The following AP1G1 variants were observed in gnomAD, a reference collection of about 807,000 sequenced individuals.
AP1G1 encodes adaptor related protein complex 1 subunit gamma 1, also known as AP-1 complex subunit gamma-1.
In AP1G1, 7 loss-of-function variants were observed where a neutral mutation model predicts 108.3. That is an observed-to-expected ratio of 0.06 (90% confidence interval 0.04 to 0.12). The LOEUF (loss-of-function observed/expected upper bound fraction) is 0.12. Ranked by LOEUF, AP1G1 falls within the 10% of genes least tolerant of loss-of-function variation. The pLI is 1.00. For missense variants in AP1G1, 756 were observed against 1,010.7 expected (o/e 0.75, Z 3.42); for synonymous variants, 379 against 353.5 (o/e 1.07, Z -0.81).
At chr16:71,761,618 T>C (rs1379591310) in intron 9 of AP1G1, 51 bp from the exon 10 acceptor site, 12 of 1,373,188 alleles carry the variant, frequency 8.7e-6, no homozygotes, top group Non-Finnish European at 1.2e-5. Context: ...AGTTTTATAT[T>C]GTTTCCTGAG....
chr16:71,745,442 G>A (rs779571222), intron 18 of AP1G1, 31 bp downstream of exon 18: 2 of 1,613,858 alleles, frequency 1.2e-6, no homozygotes, highest in Non-Finnish European at 1.7e-6. Context: ...ATCGTAAGAA[G>A]CCCCAGATGA....
intron 6 of AP1G1, among the ~76,000 whole-genome samples, chr16:71,767,424 A>T (rs1005852104): frequency 6.6e-6 from 1 of 152,228 alleles, no homozygotes; most frequent in Non-Finnish European, 1.5e-5. Flanking sequence ...GTAAGAGAGA[A>T]ATAAAATCTC....
chr16:71,740,117 G>A (rs985600619), intron 19 of AP1G1, among the ~76,000 whole-genome samples: 2 of 152,184 alleles, frequency 1.3e-5, no homozygotes, highest in African/African-American at 2.4e-5. Flanking sequence ...AGGTAAACTG[G>A]CACAACCAAT....
At chr16:71,784,195 T>G (rs747470730) in intron 2 of AP1G1, among the ~76,000 whole-genome samples, 19 of 152,196 alleles carry the variant, frequency 1.2e-4, no homozygotes, top group Non-Finnish European at 2.5e-4. Flanking sequence ...AAAATGTGTC[T>G]AACACTTATA....
Position 71,764,735 on chromosome 16 carries a change from C to CA in AP1G1, c.739-10dup. 1.3e-6 allele frequency: 2 copies of CA among 1,592,050 alleles called. No individual in the cohort carries two copies. Among genetic ancestry groups the CA allele is most frequent in the Non-Finnish European group, 8.6e-7 (1 of 1,167,440 alleles). On this transcript the variant is annotated splice_polypyrimidine_tract_variant and intron_variant, in intron 7 of 22. Transcript: ENST00000299980. ...AACCGCAAAATTCGTACCTAACGTG[C>CA]AAAAGATGAGAGGTGTCAACAAATT...
intron 16 of AP1G1, 115 bp downstream of exon 16, chr16:71,748,136 A>T: frequency 9.3e-7 from 1 of 1,076,360 alleles, no homozygotes; most frequent in Non-Finnish European, 1.3e-6. Context: ...TTGTGTTATT[A>T]TTCTCTCTAC....
chr16:71,733,277 A>G, intron 22 of AP1G1, 118 bp from the exon 23 acceptor site: 1 of 764,184 alleles, frequency 1.3e-6, no homozygotes, highest in Middle Eastern at 2.8e-4. Flanking sequence ...GCTGTCTGTT[A>G]AGAATGACAG....
At chr16:71,766,497 C>A (rs983481221) in intron 6 of AP1G1, 4 of 449,622 alleles carry the variant, frequency 8.9e-6, no homozygotes, top group Non-Finnish European at 1.8e-5. Flanking sequence ...ACAATAGGAA[C>A]TTTTTATGTT....
At chr16:71,788,599 T>C (rs914608021) in intron 2 of AP1G1, among the ~76,000 whole-genome samples, 3 of 152,012 alleles carry the variant, frequency 2.0e-5, no homozygotes, top group Admixed American at 2.0e-4. Context: ...AAACATATTG[T>C]GAACTTCTCC....
chr16:71,755,213 TC>T (rs2030716071), intron 12 of AP1G1, among the ~76,000 whole-genome samples: 1 of 151,554 alleles, frequency 6.6e-6, no homozygotes, highest in African/African-American at 2.4e-5. Context: ...ATCGCTTGAG[TC>T]CAGGAGTTCG....
chr16:71,737,626 G>C (rs955262585), intron 21 of AP1G1, among the ~76,000 whole-genome samples: 6 of 152,222 alleles, frequency 3.9e-5, no homozygotes, highest in African/African-American at 1.4e-4. Flanking sequence ...CTCCTACAAA[G>C]TGTAAGCAAA....
intron 1 of AP1G1, among the ~76,000 whole-genome samples, chr16:71,792,417 T>C (rs1305876838): frequency 1.3e-5 from 2 of 152,132 alleles, no homozygotes; most frequent in African/African-American, 2.4e-5. Context: ...CCTAGATATA[T>C]AAGAAAGTCT....
intron 1 of AP1G1, among the ~76,000 whole-genome samples, chr16:71,791,124 GGGA>G (rs1349580358): frequency 1.3e-5 from 2 of 151,908 alleles, no homozygotes; most frequent in Non-Finnish European, 2.9e-5. Context: ...GGGATACTGA[GGGA>G]GGAGGATTGC....
intron 9 of AP1G1, among the ~76,000 whole-genome samples, chr16:71,763,054 T>C (rs563405240): frequency 1.3e-5 from 2 of 152,226 alleles, no homozygotes; most frequent in South Asian, 2.1e-4. Context: ...TATAGGGAAA[T>C]AGCCCCAACA....
chr16:71,749,807 A>C lies in AP1G1; in HGVS notation c.1497+87T>G, dbSNP rs1466361059. ...CGCCTGGCCTAAAAAGTTTTCAAGG[A>C]ATCAACCTCAACTCCCCATTAAACA... On this transcript the variant is annotated intron_variant, in intron 15 of 22. Coordinates refer to ENST00000299980, the MANE Select transcript of AP1G1 (RefSeq NM_001128.6). The C allele has an allele frequency of 3.4e-6, 4 of 1,163,656 alleles. No homozygotes were observed. The African/African-American group carries it at 4.6e-5, about 13-fold the overall frequency. 72.1% of individuals were successfully genotyped at this position (1,163,656 alleles called of 1,614,324 possible).
intron 2 of AP1G1, among the ~76,000 whole-genome samples, chr16:71,776,458 T>C (rs746378356): frequency 6.6e-6 from 1 of 152,220 alleles, no homozygotes; most frequent in Non-Finnish European, 1.5e-5. Context: ...TTGATGAAAG[T>C]CATCTTTACA....
chr16:71,793,398 A>C (rs866770340), intron 1 of AP1G1, among the ~76,000 whole-genome samples: 4 of 152,178 alleles, frequency 2.6e-5, no homozygotes, highest in Non-Finnish European at 5.9e-5. Context: ...AGAAGCTACA[A>C]ATCAGAAAAC....
At chr16:71,778,501 G>A (rs1006314828) in intron 2 of AP1G1, among the ~76,000 whole-genome samples, 2 of 151,988 alleles carry the variant, frequency 1.3e-5, no homozygotes, top group African/African-American at 2.4e-5. Context: ...TGCGCAACAC[G>A]GTGAAACCCT....
At position 71,807,913 on chromosome 16, in the gene AP1G1, G is replaced by T. The variant is rs1781011241; in HGVS notation, c.-4+850C>A. The T allele has an allele frequency of 3.1e-6, 4 of 1,280,060 alleles. No individual in the cohort carries two copies. The South Asian group carries it at 5.0e-5, about 16-fold the overall frequency. 79.3% of individuals were successfully genotyped at this position (1,280,060 alleles called of 1,614,324 possible). On this transcript the variant is annotated intron_variant, in intron 1 of 22. Transcript: ENST00000299980. Reference sequence around the variant, plus strand: ...TAAGCACCAAAAAGCTAAGTATTCAGCACAGGGAGGGAATCCACATATGAG... The same window carrying T: ...TAAGCACCAAAAAGCTAAGTATTCATCACAGGGAGGGAATCCACATATGAG...
Sources: gnomAD v4.1 joint callset for allele counts (sites outside exome capture counted in the v4.1 genomes callset) on GRCh38, gnomAD v4.1.1 for gene constraint, MANE v1.5 for transcripts, NCBI Gene and HGNC (gene_info 2026-07-23, HGNC 2026-07-21) for gene names.